HERC2: variants seen among roughly 807,000 people sequenced by gnomAD.
HERC2 encodes the protein HECT and RLD domain containing E3 ubiquitin protein ligase 2, also known as E3 ubiquitin-protein ligase HERC2.
In HERC2, 102 loss-of-function variants were observed where a neutral mutation model predicts 537.7. That is an observed-to-expected ratio of 0.19 (90% CI 0.16 to 0.22). The LOEUF is 0.22. Among genes scored for constraint, HERC2 ranks in the 10% least tolerant of loss-of-function variants. HERC2 has a pLI of 1.00. For missense variants in HERC2, 4,236 were observed against 6,198.2 expected (o/e 0.68, Z 10.63); for synonymous variants, 2,224 against 2,466.2 (o/e 0.90, Z 2.91).
chr15:28,172,573 A>C (rs1438677040), intron 65 of HERC2, among the ~76,000 whole-genome samples: 1 of 152,264 alleles, frequency 6.6e-6, no homozygotes, highest in East Asian at 1.9e-4. Flanking sequence ...CAATCATGCC[A>C]AAAAAAGCCT....
rs905530396 is a variant in HERC2 at position 28,141,280 on chromosome 15, T to C, written c.12015+152A>G. 3.5e-5 allele frequency: 21 copies of C among 600,046 alleles called. No homozygotes were observed. In the African/African-American group the frequency reaches 3.7e-4, roughly 11 times the overall value. 37.2% of individuals were successfully genotyped at this position (600,046 alleles called of 1,614,324 possible). ...ATTTAAAGATTATACAAAAATATCT[T>C]AGAACTCTAGCTGCTTCCTGCATAC... is the stretch of plus-strand genomic sequence containing the variant. On this transcript the variant is annotated intron_variant, in intron 78 of 92. Coordinates refer to ENST00000261609, the MANE Select transcript of HERC2 (RefSeq NM_004667.6).
rs1302999554 is a variant in HERC2, at chr15:28,301,757, A to G, written c.73-2241T>C. Among the ~76,000 whole-genome samples the G allele has an allele frequency of 1.1e-3, 127 of 115,964 alleles. 5 individuals carry two copies. Among genetic ancestry groups the G allele is most frequent in the African/African-American group, 2.1e-3 (59 of 28,136 alleles). 76.1% of individuals were successfully genotyped at this position (115,964 alleles called of 152,430 possible). A position where few individuals can be genotyped will look rare whatever the true frequency, so the allele number is the denominator to read the frequency against. ...TGTGTATATATATATATATATATAT[A>G]TATATATATATATATATATATATGG... On this transcript the variant is annotated intron_variant, in intron 2 of 92. Transcript: ENST00000261609.
intron 14 of HERC2, among the ~76,000 whole-genome samples, chr15:28,263,903 A>G (rs2075483494): frequency 6.6e-6 from 1 of 151,644 alleles, no homozygotes; most frequent in Non-Finnish European, 1.5e-5. Flanking sequence ...ATGGTGGTGA[A>G]TATCTATAAT....
At chr15:28,221,821 T>C (rs1433710134) in intron 36 of HERC2, among the ~76,000 whole-genome samples, 5 of 151,792 alleles carry the variant, frequency 3.3e-5, no homozygotes, top group Non-Finnish European at 5.9e-5. Context: ...GAGCTGCCTC[T>C]CTTTCCAGAC....
At chr15:28,297,488 T>C (rs1229872683) in intron 3 of HERC2, among the ~76,000 whole-genome samples, 1 of 152,058 alleles carries the variant, frequency 6.6e-6, no homozygotes, top group Non-Finnish European at 1.5e-5. Context: ...AAAAAAACTT[T>C]ATATTAACTG....
intron 55 of HERC2, among the ~76,000 whole-genome samples, chr15:28,187,624 C>T (rs917495839): frequency 3.3e-5 from 5 of 152,160 alleles, no homozygotes; most frequent in South Asian, 2.1e-4. Flanking sequence ...TGAGCCACCG[C>T]GCCTGGCCAG....
At chr15:28,245,468 G>C (rs1903565414) in intron 23 of HERC2, among the ~76,000 whole-genome samples, 1 of 151,264 alleles carries the variant, frequency 6.6e-6, no homozygotes, top group Admixed American at 6.6e-5. Context: ...AATCACTTGA[G>C]CCCAGGAGGC....
chr15:28,316,548 C>A (rs1185706267), intron 2 of HERC2, among the ~76,000 whole-genome samples: 1 of 152,168 alleles, frequency 6.6e-6, no homozygotes, highest in African/African-American at 2.4e-5. Context: ...GTTACTACAT[C>A]TTTTTTATCA....
At chr15:28,255,254 G>A (rs2075219894) in intron 19 of HERC2, among the ~76,000 whole-genome samples, 1 of 152,176 alleles carries the variant, frequency 6.6e-6, no homozygotes, top group African/African-American at 2.4e-5. Context: ...AGGATCATTT[G>A]AGCCTAGGAG....
intron 3 of HERC2, among the ~76,000 whole-genome samples, chr15:28,298,027 G>T (rs2076516275): frequency 1.4e-5 from 2 of 145,362 alleles, no homozygotes; most frequent in Admixed American, 1.5e-4. Context: ...GTGTGTGTGT[G>T]TGTGTGTGTG....
At position 28,196,224 on chromosome 15, in the gene HERC2, T is replaced by G. The variant is rs1285459765; in HGVS notation, c.8251A>C (p.Asn2751His). Residue 2751 changes from asparagine (N) to histidine (H), a missense_variant, in exon 52 of 93, where the codon AAT becomes CAT. Around this residue, in one of 27 missense-constraint regions of HERC2, gnomAD observed 606 missense variants for 884.5 expected, o/e 0.69. Transcript: ENST00000261609. ...HNTRHTFGRI[N>H]EPGQSAVFCG... Reference sequence around the variant, plus strand: ...AAACATTCTGCCATACCTGGTTCATTTATTCTGCCAAATGTATGCCTGGTA... The same window carrying G: ...AAACATTCTGCCATACCTGGTTCATGTATTCTGCCAAATGTATGCCTGGTA... 2 of 1,321,260 alleles carry G rather than the reference T, an allele frequency of 1.5e-6. No individual in the cohort carries two copies. Among genetic ancestry groups the G allele is most frequent in the Admixed American group, 2.2e-5 (1 of 45,206 alleles). 81.8% of individuals were successfully genotyped at this position (1,321,260 alleles called of 1,614,324 possible).
At chr15:28,188,885 C>T (rs1032770805) in intron 55 of HERC2, among the ~76,000 whole-genome samples, 4 of 151,998 alleles carry the variant, frequency 2.6e-5, no homozygotes, top group Non-Finnish European at 4.4e-5. Context: ...GTCAGGAGTT[C>T]GAGACCAGCC....
At chr15:28,277,678 C>T (rs1365024355) in intron 5 of HERC2, among the ~76,000 whole-genome samples, 1 of 152,110 alleles carries the variant, frequency 6.6e-6, no homozygotes, top group African/African-American at 2.4e-5. Context: ...ACCGCCGACC[C>T]GTACATAACA....
chr15:28,251,961 G>C (rs1217528063), intron 20 of HERC2, among the ~76,000 whole-genome samples: 1 of 152,084 alleles, frequency 6.6e-6, no homozygotes. Flanking sequence ...TACATATGTA[G>C]CACATTTCAA....
At chr15:28,251,748 C>T (rs1323423841) in intron 20 of HERC2, among the ~76,000 whole-genome samples, 1 of 151,824 alleles carries the variant, frequency 6.6e-6, no homozygotes, top group Non-Finnish European at 1.5e-5. Flanking sequence ...TACAGTGAGC[C>T]AAGATTATGC....
intron 3 of HERC2, among the ~76,000 whole-genome samples, chr15:28,294,274 T>C (rs1359303186): frequency 6.6e-6 from 1 of 151,804 alleles, no homozygotes; most frequent in East Asian, 1.9e-4. Context: ...AAAGAACTAA[T>C]GGCTGAAAAC....
intron 85 of HERC2, 99 bp downstream of exon 85, chr15:28,123,938 C>G (rs1889197815): frequency 2.1e-6 from 2 of 952,420 alleles, no homozygotes; most frequent in Admixed American, 3.2e-5. Flanking sequence ...GCTGAATGAG[C>G]TGTATTCTAT....
intron 44 of HERC2, among the ~76,000 whole-genome samples, chr15:28,208,504 AG>A (rs1898735612): frequency 6.6e-6 from 1 of 151,864 alleles, no homozygotes; most frequent in South Asian, 2.1e-4. Flanking sequence ...CCTTCCTAGC[AG>A]GTGTATCACC....
chr15:28,238,708 A>G lies in HERC2; in HGVS notation c.3642T>C (p.Asp1214=). 1 of 1,611,598 alleles carries G rather than the reference A, an allele frequency of 6.2e-7. No individual in the cohort carries two copies. The highest frequency in any genetic ancestry group is 8.5e-7 in the Non-Finnish European group (1 of 1,179,482). Residue 1214 remains aspartate (D), a synonymous_variant, in exon 24 of 93, where the codon GAT becomes GAC. Coordinates refer to ENST00000261609, the MANE Select transcript of HERC2 (RefSeq NM_004667.6). The part of the protein sequence containing the change: ...NEEVTLIRKA[D]LENHNKDGGF... ...CTCCATCTTTATTATGGTTCTCCAA[A>G]TCAGCTTTGCGTATAAGTGTCACTT...
Sources: allele counts gnomAD v4.1 joint callset (sites outside exome capture counted in the v4.1 genomes callset), GRCh38; gene constraint gnomAD v4.1.1; regional missense constraint gnomAD v4.1.1; transcripts MANE v1.5; gene names NCBI Gene and HGNC (gene_info 2026-07-23, HGNC 2026-07-21).